Variants in DOCK7 observed in about 807,000 individuals in gnomAD.
DOCK7 encodes dedicator of cytokinesis protein 7.
Under a neutral mutation model 271.0 loss-of-function variants are expected in DOCK7, and 138 were observed. The observed-to-expected ratio is 0.51, with a 90% confidence interval of 0.44 to 0.59. The LOEUF is 0.59. Among genes scored for constraint, DOCK7 ranks in the 20% least tolerant of loss-of-function variants. The pLI, the probability that DOCK7 is intolerant of heterozygous loss-of-function variation, is 0.00. For missense variants in DOCK7, 2,066 were observed against 2,592.4 expected (o/e 0.80, Z 4.41); for synonymous variants, 823 against 876.1 (o/e 0.94, Z 1.07).
intron 1 of DOCK7, among the ~76,000 whole-genome samples, chr1:62,684,662 A>G (rs1661533579): frequency 6.6e-6 from 1 of 152,212 alleles, no homozygotes; most frequent in African/African-American, 2.4e-5. Context: ...AAATAATCCC[A>G]ACAAAATCCT....
intron 33 of DOCK7, among the ~76,000 whole-genome samples, chr1:62,511,996 A>G (rs1421317251): frequency 6.6e-6 from 1 of 152,204 alleles, no homozygotes; most frequent in African/African-American, 2.4e-5. Flanking sequence ...TACAAGAATT[A>G]TAAGACAAGA....
intron 37 of DOCK7, among the ~76,000 whole-genome samples, chr1:62,498,773 A>G (rs1406950933): frequency 1.3e-5 from 2 of 151,936 alleles, no homozygotes; most frequent in Non-Finnish European, 2.9e-5. Context: ...ATAAACATAT[A>G]TATCACTGCC....
chr1:62,686,850 G>GA (rs944837386), intron 1 of DOCK7, among the ~76,000 whole-genome samples: 30 of 144,616 alleles, frequency 2.1e-4, no homozygotes, highest in African/African-American at 4.9e-4. Flanking sequence ...GCCCCTTCAG[G>GA]AAAAAAAAAG....
chr1:62,536,502 G>C (rs1463666098), intron 28 of DOCK7, among the ~76,000 whole-genome samples: 1 of 152,134 alleles, frequency 6.6e-6, no homozygotes, highest in Non-Finnish European at 1.5e-5. Context: ...GACAGGGAAA[G>C]AAAGAAAAAG....
rs754760811 is a variant in DOCK7 at position 62,455,266 on chromosome 1, A to G, written c.*148T>C. 65 of 829,918 alleles carry G rather than the reference A, an allele frequency of 7.8e-5. No individual in the cohort carries two copies. In the East Asian group the frequency reaches 1.7e-3, roughly 21 times the overall value. The allele number at this position is 829,918 out of a possible 1,614,324, so 51.4% of individuals were successfully genotyped here. On this transcript the variant is annotated 3_prime_UTR_variant, in exon 50 of 50. Coordinates refer to ENST00000635253, the MANE Select transcript of DOCK7 (RefSeq NM_001367561.1). Reference sequence around the variant, plus strand: ...TAGCCATGATTCTCAAGCGTTAACAATCTACATTTGATATTTTCTTGGCCA... The same window carrying G: ...TAGCCATGATTCTCAAGCGTTAACAGTCTACATTTGATATTTTCTTGGCCA...
In DOCK7 at chr1:62,688,283, G is replaced by C; in HGVS notation, c.-19C>G. On this transcript the variant is annotated 5_prime_UTR_variant, in exon 1 of 50. Transcript: ENST00000635253. ...CGGCCATGGCTGCTGCGGCGACGGCGACGGCGGCGGCGGCTGCGGCGGGCC... is the reference window on the plus strand; with the variant it reads ...CGGCCATGGCTGCTGCGGCGACGGCCACGGCGGCGGCGGCTGCGGCGGGCC... 1 of 1,264,444 alleles carries C rather than the reference G, an allele frequency of 7.9e-7. No homozygotes were observed. 78.3% of individuals were successfully genotyped at this position (1,264,444 alleles called of 1,614,324 possible). A position where few individuals can be genotyped will look rare whatever the true frequency, so the allele number is the denominator to read the frequency against.
In DOCK7 at chr1:62,582,528, G is replaced by T. The variant is rs10158068; in HGVS notation, c.1871+656C>A. On this transcript the variant is annotated intron_variant, in intron 16 of 49. Transcript: ENST00000635253. ...TCCCGCCACTGCACTCCAGCCTGGG[G>T]GACAGAGCGAGACTCCGTCTCAAAA... Among the ~76,000 whole-genome samples the T allele has an allele frequency of 6.6e-5, 8 of 120,810 alleles. 1 individual carries two copies. Among genetic ancestry groups the T allele is most frequent in the South Asian group, 6.0e-4 (2 of 3,318 alleles). 79.3% of individuals were successfully genotyped at this position (120,810 alleles called of 152,430 possible).
intron 38 of DOCK7, 39 bp downstream of exon 38, chr1:62,496,300 C>A: frequency 6.3e-7 from 1 of 1,599,850 alleles, no homozygotes; most frequent in South Asian, 1.1e-5. Flanking sequence ...ATTTAACAAG[C>A]CTATTTCAAT....
chr1:62,497,753 A>G (rs952432684), intron 37 of DOCK7, among the ~76,000 whole-genome samples: 5 of 152,202 alleles, frequency 3.3e-5, no homozygotes, highest in African/African-American at 1.2e-4. Flanking sequence ...TAAAATGCAG[A>G]TCTGAACATG....
intron 14 of DOCK7, among the ~76,000 whole-genome samples, chr1:62,592,188 T>G (rs1648548102): frequency 6.6e-6 from 1 of 152,152 alleles, no homozygotes; most frequent in African/African-American, 2.4e-5. Context: ...AATTCCCAAA[T>G]AAATCTAGTA....
chr1:62,584,617 T>C (rs1172005134), intron 15 of DOCK7: 4 of 1,285,178 alleles, frequency 3.1e-6, no homozygotes, highest in Admixed American at 3.8e-5. Context: ...TGTTCCTTTT[T>C]TGACCATTTG....
intron 48 of DOCK7, among the ~76,000 whole-genome samples, chr1:62,459,500 G>C (rs768416348): frequency 6.6e-6 from 1 of 151,910 alleles, no homozygotes; most frequent in Non-Finnish European, 1.5e-5. Flanking sequence ...CTCAGCCATC[G>C]AAAGTGTTGG....
chr1:62,459,429 T>C (rs1444257828), intron 48 of DOCK7, among the ~76,000 whole-genome samples: 1 of 151,882 alleles, frequency 6.6e-6, no homozygotes, highest in Admixed American at 6.6e-5. Context: ...TTAGTAGACA[T>C]GGAGTTTCTC....
chr1:62,666,606 T>A (rs987850284), intron 1 of DOCK7, among the ~76,000 whole-genome samples: 21 of 152,164 alleles, frequency 1.4e-4, no homozygotes, highest in African/African-American at 5.1e-4. Flanking sequence ...AAAAACTCTA[T>A]CTCTTAACCA....
At chr1:62,511,260 A>G (rs1381095366) in intron 33 of DOCK7, 1 of 152,222 alleles carries the variant, frequency 6.6e-6, no homozygotes, top group East Asian at 1.9e-4. Context: ...ACTTTGTCCA[A>G]GCATGTTATG....
chr1:62,681,656 T>C (rs547186600), intron 1 of DOCK7, among the ~76,000 whole-genome samples: 1 of 152,104 alleles, frequency 6.6e-6, no homozygotes, highest in Admixed American at 6.5e-5. Flanking sequence ...AAAATTTGTA[T>C]AGGAGTGTTC....
intron 14 of DOCK7, among the ~76,000 whole-genome samples, chr1:62,603,794 T>C (rs962403573): frequency 1.3e-5 from 2 of 151,844 alleles, no homozygotes; most frequent in Non-Finnish European, 2.9e-5. Flanking sequence ...TTTGTGCACA[T>C]AGCTATCTTC....
intron 1 of DOCK7, among the ~76,000 whole-genome samples, chr1:62,678,949 C>T (rs1485792562): frequency 6.6e-6 from 1 of 151,914 alleles, no homozygotes; most frequent in African/African-American, 2.4e-5. Flanking sequence ...CCCCATTTAC[C>T]CTGATGTGAT....
At chr1:62,535,778 T>G (rs1645326506) in intron 28 of DOCK7, 146 bp from the exon 29 acceptor site, 2 of 579,060 alleles carry the variant, frequency 3.5e-6, no homozygotes, top group African/African-American at 1.9e-5. Context: ...TTTTCAGACT[T>G]TTGGGACAGG....
Sources: allele counts gnomAD v4.1 joint callset (sites outside exome capture counted in the v4.1 genomes callset), GRCh38; gene constraint gnomAD v4.1.1; transcripts MANE v1.5; gene names NCBI Gene and HGNC (gene_info 2026-07-23, HGNC 2026-07-21).